Variants in ANKS1B observed in about 807,000 individuals in gnomAD.
ANKS1B encodes the protein ankyrin repeat and sterile alpha motif domain containing 1B.
A neutral mutation model predicts 148.3 loss-of-function variants in ANKS1B; 36 were observed. That is an observed-to-expected ratio of 0.24 (90% CI 0.19 to 0.32). ANKS1B has a LOEUF of 0.32. Among genes scored for constraint, ANKS1B ranks in the 10% least tolerant of loss-of-function variants. ANKS1B has a pLI of 1.00. For missense variants in ANKS1B, 1,157 were observed against 1,542.6 expected, an observed-to-expected ratio of 0.75 and a Z score of 4.19; for synonymous variants, 542 against 560.8, an observed-to-expected ratio of 0.97 and a Z score of 0.47.
intron 8 of ANKS1B, among the ~76,000 whole-genome samples, chr12:99,748,779 G>A (rs1242573445): frequency 6.6e-6 from 1 of 152,032 alleles, no homozygotes; most frequent in Admixed American, 6.6e-5. Flanking sequence ...TTGACAAGGT[G>A]ATATCTGGAC....
chr12:99,001,469 T>G (rs957128686), intron 17 of ANKS1B, among the ~76,000 whole-genome samples: 3 of 152,196 alleles, frequency 2.0e-5, no homozygotes, highest in Non-Finnish European at 4.4e-5. Flanking sequence ...AAAGTGGGAT[T>G]GTTGGATCAT....
chr12:99,602,519 C>G (rs1356890872), intron 9 of ANKS1B, among the ~76,000 whole-genome samples: 1 of 152,042 alleles, frequency 6.6e-6, no homozygotes, highest in Non-Finnish European at 1.5e-5. Flanking sequence ...CTAGATTTGG[C>G]CTCAAAGTAT....
At chr12:98,799,148 T>C in intron 21 of ANKS1B, 143 bp from the exon 22 acceptor site, 1 of 494,774 alleles carries the variant, frequency 2.0e-6, no homozygotes, top group Non-Finnish European at 3.5e-6. Context: ...CAGTAACTAA[T>C]CCTAACAAAT....
chr12:99,937,263 A>T (rs1159445906), intron 1 of ANKS1B, among the ~76,000 whole-genome samples: 1 of 152,178 alleles, frequency 6.6e-6, no homozygotes, highest in East Asian at 1.9e-4. Context: ...TGCAGGGGCC[A>T]TTCTGCCAGG....
At chr12:99,144,680 A>G (rs1051326904) in intron 15 of ANKS1B, among the ~76,000 whole-genome samples, 1 of 151,998 alleles carries the variant, frequency 6.6e-6, no homozygotes, top group African/African-American at 2.4e-5. Flanking sequence ...CCTAGTAGAT[A>G]TAGTAGGATG....
At chr12:98,920,978 A>G (rs991230095) in intron 17 of ANKS1B, among the ~76,000 whole-genome samples, 5 of 152,252 alleles carry the variant, frequency 3.3e-5, no homozygotes, top group African/African-American at 1.2e-4. Context: ...AAGATTCAAT[A>G]CATGTATATA....
chr12:99,225,427 T>C lies in ANKS1B; in HGVS notation c.2419+18915A>G, dbSNP rs1452978281. Among the ~76,000 whole-genome samples, 3 of 152,234 alleles carry C rather than the reference T, an allele frequency of 2.0e-5. No individual in the cohort carries two copies. In the East Asian group the frequency reaches 5.8e-4, roughly 29 times the overall value. Reference sequence around the variant, plus strand: ...ATTTGGGTTTTCTAAAATGTGATTGTTAATACTGAATGTCAATTTGATTGG... The same window carrying C: ...ATTTGGGTTTTCTAAAATGTGATTGCTAATACTGAATGTCAATTTGATTGG... On this transcript the variant is annotated intron_variant, in intron 14 of 26. Coordinates refer to ENST00000683438, the MANE Select transcript of ANKS1B (RefSeq NM_001352186.2).
chr12:99,399,851 T>G, intron 11 of ANKS1B, 40 bp from the exon 12 acceptor site: 1 of 1,600,802 alleles, frequency 6.2e-7, no homozygotes, highest in Non-Finnish European at 8.6e-7. Flanking sequence ...AATATGATCA[T>G]GTTCATCTTC....
At chr12:98,930,897 A>G (rs2152960223) in intron 17 of ANKS1B, among the ~76,000 whole-genome samples, 1 of 152,234 alleles carries the variant, frequency 6.6e-6, no homozygotes, top group African/African-American at 2.4e-5. Context: ...TGTGTGAATT[A>G]TATCTCAATA....
intron 12 of ANKS1B, among the ~76,000 whole-genome samples, chr12:99,253,111 C>T (rs1300645805): frequency 6.6e-6 from 1 of 151,906 alleles, no homozygotes; most frequent in African/African-American, 2.4e-5. Context: ...CTGTGAGTTC[C>T]AGCTACTCAG....
intron 8 of ANKS1B, among the ~76,000 whole-genome samples, chr12:99,733,269 C>T (rs754924783): frequency 2.0e-4 from 30 of 152,158 alleles, no homozygotes; most frequent in Non-Finnish European, 3.4e-4. Context: ...AATCAACATA[C>T]AATTACAACA....
intron 1 of ANKS1B, among the ~76,000 whole-genome samples, chr12:99,867,607 C>T (rs1005127354): frequency 5.3e-5 from 8 of 152,120 alleles, no homozygotes; most frequent in Non-Finnish European, 8.8e-5. Flanking sequence ...CTCACTACCA[C>T]GGGAACAGTA....
intron 12 of ANKS1B, 92 bp downstream of exon 12, chr12:99,399,539 C>T: frequency 7.4e-7 from 1 of 1,353,208 alleles, no homozygotes; most frequent in East Asian, 2.3e-5. Context: ...AAACACAATG[C>T]AATTTGTACG....
chr12:99,127,102 A>G (rs1194569070), intron 15 of ANKS1B, among the ~76,000 whole-genome samples: 6 of 152,188 alleles, frequency 3.9e-5, no homozygotes, highest in South Asian at 2.1e-4. Flanking sequence ...AAAAATATCA[A>G]TCCTCCAAGG....
intron 9 of ANKS1B, among the ~76,000 whole-genome samples, chr12:99,570,629 G>A (rs2097444594): frequency 6.7e-6 from 1 of 148,624 alleles, no homozygotes; most frequent in Non-Finnish European, 1.5e-5. Flanking sequence ...CTGAGCGACG[G>A]AGCGAGACTT....
chr12:99,765,493 A>C (rs1331110685), intron 8 of ANKS1B, among the ~76,000 whole-genome samples: 1 of 152,196 alleles, frequency 6.6e-6, no homozygotes, highest in Non-Finnish European at 1.5e-5. Context: ...TAAGGAATCT[A>C]AATATAAGAT....
intron 10 of ANKS1B, among the ~76,000 whole-genome samples, chr12:99,474,530 T>C (rs1465320764): frequency 6.6e-6 from 1 of 152,052 alleles, no homozygotes. Flanking sequence ...AAAAAAGTTC[T>C]ATCCTGCTCA....
intron 1 of ANKS1B, among the ~76,000 whole-genome samples, chr12:99,904,004 G>A (rs937865402): frequency 5.9e-5 from 9 of 152,084 alleles, no homozygotes; most frequent in African/African-American, 2.2e-4. Context: ...ATGACTAGTG[G>A]CTACTGTGTT....
chr12:99,144,663 T>C (rs1378495056), intron 15 of ANKS1B, among the ~76,000 whole-genome samples: 1 of 152,004 alleles, frequency 6.6e-6, no homozygotes, highest in African/African-American at 2.4e-5. Flanking sequence ...TGGATATAGA[T>C]ACACATCCTA....
Sources: gnomAD v4.1 joint callset for allele counts (sites outside exome capture counted in the v4.1 genomes callset) on GRCh38, gnomAD v4.1.1 for gene constraint, MANE v1.5 for transcripts, NCBI Gene and HGNC (gene_info 2026-07-23, HGNC 2026-07-21) for gene names.